Variants in AGBL4 observed in about 807,000 individuals in gnomAD.
The protein encoded by AGBL4 is AGBL carboxypeptidase 4.
A neutral mutation model predicts 66.4 loss-of-function variants in AGBL4; 58 were observed. The observed-to-expected ratio is 0.87, with a 90% CI of 0.71 to 1.09. The LOEUF is 1.09. Ranked by LOEUF, AGBL4 falls within the 50% of genes least tolerant of loss-of-function variation. AGBL4 has a pLI of 0.00. For synonymous variants in AGBL4, 234 were observed against 222.9 expected (o/e 1.05, Z -0.44); for missense variants, 579 against 631.0 (o/e 0.92, Z 0.88).
chr1:49,799,524 T>G (rs1644808684), intron 2 of AGBL4, among the ~76,000 whole-genome samples: 1 of 152,082 alleles, frequency 6.6e-6, no homozygotes, highest in African/African-American at 2.4e-5. Flanking sequence ...GTAGAAGACT[T>G]GTAGAGCTTT....
intron 1 of AGBL4, among the ~76,000 whole-genome samples, chr1:49,891,904 G>A (rs1233664214): frequency 6.6e-6 from 1 of 152,140 alleles, no homozygotes; most frequent in African/African-American, 2.4e-5. Flanking sequence ...AAAGCTTAAA[G>A]TTTAAGCCCC....
At chr1:49,651,544 A>T (rs1423314752) in intron 3 of AGBL4, among the ~76,000 whole-genome samples, 1 of 152,164 alleles carries the variant, frequency 6.6e-6, no homozygotes, top group Non-Finnish European at 1.5e-5. Context: ...TGCCAAACAC[A>T]TTACTACAAC....
intron 3 of AGBL4, among the ~76,000 whole-genome samples, chr1:49,566,066 G>C (rs879968843): frequency 6.6e-6 from 1 of 152,130 alleles, no homozygotes; most frequent in Non-Finnish European, 1.5e-5. Context: ...TTCCATCGCT[G>C]ATACCCTTTC....
chr1:49,225,081 G>A (rs1277022807), intron 4 of AGBL4, among the ~76,000 whole-genome samples: 2 of 152,100 alleles, frequency 1.3e-5, no homozygotes, highest in Admixed American at 6.6e-5. Context: ...AAAATAAGAA[G>A]GGCCGTAAGA....
chr1:49,359,113 T>A (rs982701054), intron 3 of AGBL4, among the ~76,000 whole-genome samples: 8 of 152,188 alleles, frequency 5.3e-5, no homozygotes, highest in African/African-American at 1.9e-4. Context: ...TCTATCAGTG[T>A]CTACTGCAGT....
intron 3 of AGBL4, among the ~76,000 whole-genome samples, chr1:49,396,774 A>G (rs1425178535): frequency 6.6e-6 from 1 of 152,186 alleles, no homozygotes; most frequent in Admixed American, 6.6e-5. Context: ...TCTAAAAGAA[A>G]AAAGCCCCAG....
chr1:49,027,814 T>C (rs921775482), intron 5 of AGBL4, among the ~76,000 whole-genome samples: 1 of 152,118 alleles, frequency 6.6e-6, no homozygotes, highest in Non-Finnish European at 1.5e-5. Context: ...AGAAGCCAAA[T>C]GCCCTCGGCC....
intron 1 of AGBL4, among the ~76,000 whole-genome samples, chr1:49,875,246 G>A (rs866033419): frequency 4.8e-5 from 7 of 147,024 alleles, no homozygotes; most frequent in Middle Eastern, 3.6e-3. Flanking sequence ...ATGCTGGTGC[G>A]CTGCACCCAC....
chr1:48,527,624 A>C, the AGBL4 span, among the ~76,000 whole-genome samples: 1 of 152,076 alleles, frequency 6.6e-6, no homozygotes, highest in African/African-American at 2.4e-5. Context: ...AAACAGATGA[A>C]TAAGCAAAGT....
intron 1 of AGBL4, among the ~76,000 whole-genome samples, chr1:50,013,143 A>G (rs1661679612): frequency 6.6e-6 from 1 of 152,224 alleles, no homozygotes; most frequent in African/African-American, 2.4e-5. Context: ...CCAGAAATAG[A>G]AAAGCTCTAA....
Position 48,533,187 on chromosome 1 carries a change from C to G in AGBL4, c.*986G>C, listed in dbSNP as rs1643918700. On this transcript the variant is annotated 3_prime_UTR_variant, in exon 14 of 14. Coordinates refer to ENST00000371839, the MANE Select transcript of AGBL4 (RefSeq NM_032785.4). ...TTTAATTAGCAGGCTGTCATGGTGA[C>G]TCAGCCTGCTGTTTCCACAGACAGG... 6.6e-6 allele frequency: 1 copy of G among 152,126 alleles called. No individual in the cohort carries two copies. The highest frequency in any genetic ancestry group is 6.6e-5 in the Admixed American group (1 of 15,266). 9.4% of individuals were successfully genotyped at this position (152,126 alleles called of 1,614,324 possible).
intron 4 of AGBL4, among the ~76,000 whole-genome samples, chr1:49,115,334 C>T (rs590503): frequency 0.9 from 137,648 of 152,200 alleles, 62,501 homozygotes; most frequent in African/African-American, 0.97. Flanking sequence ...TTTTCTTCTA[C>T]TGAAAAGAGA....
chr1:49,206,944 A>T (rs1648196249), intron 4 of AGBL4, among the ~76,000 whole-genome samples: 1 of 151,346 alleles, frequency 6.6e-6, no homozygotes, highest in South Asian at 2.1e-4. Context: ...GGTGGGCGGA[A>T]TGGGAACTGA....
intron 6 of AGBL4, among the ~76,000 whole-genome samples, chr1:48,866,299 A>G (rs1222736013): frequency 1.3e-5 from 2 of 152,122 alleles, no homozygotes; most frequent in African/African-American, 4.8e-5. Flanking sequence ...AACATATCCA[A>G]ATGTATTGGT....
Position 49,302,847 on chromosome 1 carries a change from T to G in AGBL4, c.283-56983A>C, listed in dbSNP as rs1439537497. Among the ~76,000 whole-genome samples, 13 of 151,804 alleles carry G rather than the reference T, an allele frequency of 8.6e-5. No homozygotes were observed. The South Asian group carries it at 2.5e-3, about 29-fold the overall frequency. On this transcript the variant is annotated intron_variant, in intron 3 of 13. Coordinates refer to ENST00000371839, the MANE Select transcript of AGBL4 (RefSeq NM_032785.4). ...GCCCCCTGACAGGCCTCAGTGTGTGTTGTTTACCTCCCTGTGTCTATGTGT... is the reference window on the plus strand; with the variant it reads ...GCCCCCTGACAGGCCTCAGTGTGTGGTGTTTACCTCCCTGTGTCTATGTGT...
chr1:48,876,438 A>G (rs2148835923), intron 5 of AGBL4, among the ~76,000 whole-genome samples: 1 of 152,316 alleles, frequency 6.6e-6, no homozygotes, highest in East Asian at 1.9e-4. Flanking sequence ...AGGCCGTTCC[A>G]GTCATGAGTC....
chr1:48,869,159 G>A (rs1648400323), intron 5 of AGBL4, among the ~76,000 whole-genome samples: 1 of 152,144 alleles, frequency 6.6e-6, no homozygotes, highest in African/African-American at 2.4e-5. Flanking sequence ...ACACATACCT[G>A]TTTTCCTGCC....
chr1:49,380,262 G>C, intron 3 of AGBL4, among the ~76,000 whole-genome samples: 1 of 152,126 alleles, frequency 6.6e-6, no homozygotes, highest in Non-Finnish European at 1.5e-5. Flanking sequence ...TTGCTTCAAA[G>C]AGAATAAAAT....
chr1:48,698,021 G>A (rs1402350918), intron 6 of AGBL4, among the ~76,000 whole-genome samples: 1 of 152,210 alleles, frequency 6.6e-6, no homozygotes, highest in Admixed American at 6.5e-5. Context: ...GTCACGGAAT[G>A]ACTCCTAAGG....
Sources: gnomAD v4.1 joint callset for allele counts (sites outside exome capture counted in the v4.1 genomes callset) on GRCh38, gnomAD v4.1.1 for gene constraint, MANE v1.5 for transcripts, NCBI Gene and HGNC (gene_info 2026-07-23, HGNC 2026-07-21) for gene names.